The following RNF144B variants were observed in gnomAD, a reference collection of about 807,000 sequenced individuals.
RNF144B encodes ring finger protein 144B.
RNF144B carries 25 observed loss-of-function variants against 40.2 expected under a neutral mutation model. The observed-to-expected ratio is 0.62, with a 90% CI of 0.45 to 0.87. The LOEUF (loss-of-function observed/expected upper bound fraction) is 0.87. Ranked by LOEUF, RNF144B falls within the 40% of genes least tolerant of loss-of-function variation. RNF144B has a pLI of 0.00. For synonymous variants in RNF144B, 145 were observed against 136.3 expected (o/e 1.06, Z -0.44); for missense variants, 365 against 373.7 (o/e 0.98, Z 0.19).
intron 6 of RNF144B, among the ~76,000 whole-genome samples, chr6:18,461,097 C>T (rs1759443439): frequency 6.6e-6 from 1 of 152,032 alleles, no homozygotes. Flanking sequence ...CAGGCCACCA[C>T]CTGCTTGATG....
intron 1 of RNF144B, among the ~76,000 whole-genome samples, chr6:18,388,382 G>A (rs1040954443): frequency 6.6e-6 from 1 of 152,136 alleles, no homozygotes; most frequent in Non-Finnish European, 1.5e-5. Flanking sequence ...AAATTAAATG[G>A]CAATGTATCT....
At chr6:18,433,139 T>C (rs1758730654) in intron 3 of RNF144B, among the ~76,000 whole-genome samples, 1 of 152,232 alleles carries the variant, frequency 6.6e-6, no homozygotes, top group South Asian at 2.1e-4. Flanking sequence ...TTGCCATCTC[T>C]TAACATTCTT....
intron 1 of RNF144B, among the ~76,000 whole-genome samples, chr6:18,397,530 T>G (rs1794717568): frequency 6.6e-6 from 1 of 152,256 alleles, no homozygotes; most frequent in African/African-American, 2.4e-5. Context: ...CACAATTATT[T>G]AGTCTCTTTT....
At position 18,458,422 on chromosome 6, in the gene RNF144B, G is replaced by A. The variant is rs1387443162; in HGVS notation, c.536+1063G>A. Among the ~76,000 whole-genome samples the A allele has an allele frequency of 6.6e-6, 1 of 152,108 alleles. No homozygotes were observed. Among genetic ancestry groups the A allele is most frequent in the Non-Finnish European group, 1.5e-5 (1 of 68,018 alleles). The stretch of plus-strand genomic sequence containing the variant: ...AGAACCAGGCTTCATGAATAGTAAT[G>A]CTACTTGGCTACGATGCTGTGCTTG... On this transcript the variant is annotated intron_variant, in intron 5 of 7. Transcript: ENST00000259939. This position sits in a 1 kb window ranked among gnomAD's most constrained non-coding sequence, Gnocchi z 4.8.
intron 2 of RNF144B, among the ~76,000 whole-genome samples, chr6:18,415,107 T>G (rs1214008025): frequency 6.6e-6 from 1 of 152,110 alleles, no homozygotes; most frequent in East Asian, 1.9e-4. Flanking sequence ...TATAAATGGG[T>G]TTTCTACTGT....
chr6:18,403,476 T>G (rs1382054567), intron 2 of RNF144B, among the ~76,000 whole-genome samples: 1 of 152,268 alleles, frequency 6.6e-6, no homozygotes, highest in Admixed American at 6.5e-5. Flanking sequence ...TCCAGCCATA[T>G]TCTTGCCTTT....
chr6:18,399,467 T>C lies in RNF144B; in HGVS notation c.-36-32T>C. 3.4e-6 allele frequency: 5 copies of C among 1,461,204 alleles called. No homozygotes were observed. In the South Asian group the frequency reaches 6.1e-5, roughly 18 times the overall value. 90.5% of individuals were successfully genotyped at this position (1,461,204 alleles called of 1,614,324 possible). On this transcript the variant is annotated intron_variant, in intron 1 of 7. Coordinates refer to ENST00000259939, the MANE Select transcript of RNF144B (RefSeq NM_182757.4). ...GCTAAACAATAGCTTTATCAATCCA[T>C]ATAATATTTTCTGCTTTGGACCTTT...
intron 1 of RNF144B, among the ~76,000 whole-genome samples, chr6:18,388,688 T>A (rs1024563590): frequency 1.3e-5 from 2 of 152,162 alleles, no homozygotes; most frequent in African/African-American, 4.8e-5. Flanking sequence ...AAAACTATCC[T>A]GAGGGGGAGA....
rs901936692 is a variant in RNF144B, at chr6:18,407,958, A to G, written c.165+8259A>G. ...TGTAAAAATGGTGGCTTGGTTTGGA[A>G]TTTTTCTTTTTCTTTCTTTCTTTTT... On this transcript the variant is annotated intron_variant, in intron 2 of 7. Transcript: ENST00000259939. Among the ~76,000 whole-genome samples, 20 of 129,168 alleles carry G rather than the reference A, an allele frequency of 1.5e-4. No homozygotes were observed. In the Admixed American group the frequency reaches 1.6e-3, roughly 10 times the overall value. The allele number at this position is 129,168 out of a possible 152,430, so 84.7% of individuals were successfully genotyped here.
At position 18,399,742 on chromosome 6, in the gene RNF144B, G is replaced by GA. The variant is rs759557821; in HGVS notation, c.165+48dup. On this transcript the variant is annotated intron_variant, in intron 2 of 7. Coordinates refer to ENST00000259939, the MANE Select transcript of RNF144B (RefSeq NM_182757.4). ...CTTTCACTATGAGAAAATACAAAGG[G>GA]AAAAATCATAAAAGTAGGATATATT... is the stretch of plus-strand genomic sequence containing the variant. The GA allele has an allele frequency of 4.0e-6, 6 of 1,494,096 alleles. No homozygotes were observed. The South Asian group carries it at 6.9e-5, about 17-fold the overall frequency. 92.6% of individuals were successfully genotyped at this position (1,494,096 alleles called of 1,614,324 possible).
At chr6:18,403,683 A>G (rs1369957656) in intron 2 of RNF144B, among the ~76,000 whole-genome samples, 1 of 152,190 alleles carries the variant, frequency 6.6e-6, no homozygotes, top group Non-Finnish European at 1.5e-5. Context: ...GTCTTAGTCC[A>G]TTTTGTGTTG....
At chr6:18,399,007 G>A (rs1794743851) in intron 1 of RNF144B, among the ~76,000 whole-genome samples, 1 of 152,118 alleles carries the variant, frequency 6.6e-6, no homozygotes, top group South Asian at 2.1e-4. Context: ...TATACAATGT[G>A]ATGTTTTGCT....
chr6:18,459,939 A>G lies in RNF144B; in HGVS notation c.681+188A>G, dbSNP rs1759415190. ...AAAAACATCTTTTTGATGACCTTAC[A>G]TATGCCACCCTGGTGTTAAAGGCAA... On this transcript the variant is annotated intron_variant, in intron 6 of 7. Transcript: ENST00000259939. This position sits in a 1 kb window ranked among gnomAD's most constrained non-coding sequence, Gnocchi z 4.2. Among the ~76,000 whole-genome samples, 1 of 152,194 alleles carries G rather than the reference A, an allele frequency of 6.6e-6. No homozygotes were observed. Among genetic ancestry groups the G allele is most frequent in the Non-Finnish European group, 1.5e-5 (1 of 68,024 alleles).
intron 4 of RNF144B, among the ~76,000 whole-genome samples, chr6:18,445,074 G>A (rs1201800706): frequency 6.7e-6 from 1 of 149,698 alleles, no homozygotes; most frequent in Non-Finnish European, 1.5e-5. Context: ...TTTATTGTCT[G>A]CTCAGTTTGA....
chr6:18,462,730 A>C (rs1398786388), intron 6 of RNF144B, among the ~76,000 whole-genome samples: 1 of 151,136 alleles, frequency 6.6e-6, no homozygotes, highest in Non-Finnish European at 1.5e-5. Context: ...TGGATGTCTC[A>C]ACCATCTCTC....
chr6:18,436,322 G>T (rs1758823800), intron 3 of RNF144B, among the ~76,000 whole-genome samples: 1 of 152,102 alleles, frequency 6.6e-6, no homozygotes, highest in East Asian at 1.9e-4. Context: ...CCACAGCTAG[G>T]TACAAGTTGG....
At position 18,398,218 on chromosome 6, in the gene RNF144B, C is replaced by T. The variant is rs60630015; in HGVS notation, c.-36-1281C>T. The stretch of plus-strand genomic sequence containing the variant: ...TCAGAATTGACTACTCTAGGTACCT[C>T]ATTTAAGTGGAATCATACAATATTT... On this transcript the variant is annotated intron_variant, in intron 1 of 7. Transcript: ENST00000259939. This position sits in a 1 kb window ranked among gnomAD's most constrained non-coding sequence, Gnocchi z 5.0. Among the ~76,000 whole-genome samples, 109 of 152,262 alleles carry T rather than the reference C, an allele frequency of 7.2e-4. No individual in the cohort carries two copies. The highest frequency in any genetic ancestry group is 2.6e-3 in the African/African-American group (107 of 41,540).
chr6:18,424,015 G>A (rs1336057162), intron 2 of RNF144B, among the ~76,000 whole-genome samples: 1 of 152,100 alleles, frequency 6.6e-6, no homozygotes, highest in Non-Finnish European at 1.5e-5. Context: ...AGTTTTCTTT[G>A]TTAATAGTGA....
chr6:18,463,012 G>A (rs573010400), intron 6 of RNF144B, among the ~76,000 whole-genome samples: 5 of 151,714 alleles, frequency 3.3e-5, no homozygotes, highest in South Asian at 2.1e-4. Flanking sequence ...TTGTACCTCC[G>A]CCAGAGCTAC....
Sources: allele counts gnomAD v4.1 joint callset (sites outside exome capture counted in the v4.1 genomes callset), GRCh38; gene constraint gnomAD v4.1.1; non-coding constraint Gnocchi (gnomAD v3.1); transcripts MANE v1.5; gene names NCBI Gene and HGNC (gene_info 2026-07-23, HGNC 2026-07-21).